Variants in SLC30A3 observed in about 807,000 individuals in gnomAD.
The protein encoded by SLC30A3 is probable proton-coupled zinc antiporter SLC30A3.
Under a neutral mutation model 35.6 loss-of-function variants are expected in SLC30A3, and 20 were observed. The observed-to-expected ratio is 0.56, with a 90% CI of 0.39 to 0.82. The LOEUF (loss-of-function observed/expected upper bound fraction) is 0.82. Among genes scored for constraint, SLC30A3 ranks in the 40% least tolerant of loss-of-function variants. The pLI is 0.00. For missense variants in SLC30A3, 401 were observed against 530.6 expected, an observed-to-expected ratio of 0.76 and a Z score of 2.40; for synonymous variants, 217 against 224.7, an observed-to-expected ratio of 0.97 and a Z score of 0.31.
At chr2:27,273,881 G>A (rs1677851990) in intron 1 of SLC30A3, among the ~76,000 whole-genome samples, 4 of 152,116 alleles carry the variant, frequency 2.6e-5, no homozygotes, top group Admixed American at 2.6e-4. Flanking sequence ...CATGAGTCAT[G>A]AAAGCTTGGG....
chr2:27,274,314 G>T (rs1677885416), intron 1 of SLC30A3, among the ~76,000 whole-genome samples: 1 of 152,104 alleles, frequency 6.6e-6, no homozygotes, highest in South Asian at 2.1e-4. Context: ...GACAGAGTGA[G>T]ACTCCACCTC....
At position 27,262,373 on chromosome 2, in the gene SLC30A3, G is replaced by A. The variant is rs561662321; in HGVS notation, c.95+439C>T. Among the ~76,000 whole-genome samples, 1 of 152,000 alleles carries A rather than the reference G, an allele frequency of 6.6e-6. No individual in the cohort carries two copies. The highest frequency in any genetic ancestry group is 2.1e-4 in the South Asian group (1 of 4,832). Reference sequence around the variant, plus strand: ...CGCCCACAGCTGGCCGCGGCTGGAGGGGGCGCGCGGAGGGGAGCCCCCGGG... The same window carrying A: ...CGCCCACAGCTGGCCGCGGCTGGAGAGGGCGCGCGGAGGGGAGCCCCCGGG... On this transcript the variant is annotated intron_variant, in intron 1 of 7. Coordinates refer to ENST00000233535, the MANE Select transcript of SLC30A3 (RefSeq NM_003459.5). The surrounding 1 kb of genome is among the most constrained non-coding windows in gnomAD (Gnocchi z 7.5).
In SLC30A3 at chr2:27,258,859, C is replaced by G. The variant is rs747738929; in HGVS notation, c.171G>C (p.Arg57Ser). 3.7e-5 allele frequency: 59 copies of G among 1,613,974 alleles called. No individual in the cohort carries two copies. Among genetic ancestry groups the G allele is most frequent in the Non-Finnish European group, 5.0e-5 (59 of 1,179,982 alleles). ...PVEMPFHHCH[R>S]DPLPPPGLTP... is the part of the protein sequence containing the mutation. ...TAAGGCCCGGCGGCGGAAGGGGGTC[C>G]CTGTGGCAGTGGTGGAAGGGCATCT... is the stretch of plus-strand genomic sequence containing the variant. Residue 57 changes from arginine (R) to serine (S), a missense_variant, in exon 2 of 8, where the codon AGG becomes AGC. Around this residue, in one of 3 missense-constraint regions of SLC30A3, gnomAD observed 103 missense variants for 120.7 expected, o/e 0.85. Coordinates refer to ENST00000233535, the MANE Select transcript of SLC30A3 (RefSeq NM_003459.5). This position sits in a 1 kb window ranked among gnomAD's most constrained non-coding sequence, Gnocchi z 4.0.
intron 6 of SLC30A3, 125 bp from the exon 7 acceptor site, chr2:27,256,645 T>A: frequency 1.4e-6 from 2 of 1,388,736 alleles, no homozygotes; most frequent in Non-Finnish European, 2.0e-6. Context: ...CAATTCACCC[T>A]ATGCCCAAAT....
rs1326227858 is a variant in SLC30A3, at chr2:27,255,093, C to T, written c.*219G>A. The T allele has an allele frequency of 6.6e-7, 1 of 1,511,924 alleles. No homozygotes were observed. The highest frequency in any genetic ancestry group is 1.4e-5 in the African/African-American group (1 of 72,708). 93.7% of individuals were successfully genotyped at this position (1,511,924 alleles called of 1,614,324 possible). On this transcript the variant is annotated 3_prime_UTR_variant, in exon 8 of 8. Transcript: ENST00000233535. The surrounding 1 kb of genome is among the most constrained non-coding windows in gnomAD (Gnocchi z 5.2). ...GGAGTCCCCGCCCCTGAACTAGTCA[C>T]ATCTATTCCCCTGACTCCCACCCCA...
At chr2:27,266,509 A>T (rs1677500631), upstream of SLC30A3, among the ~76,000 whole-genome samples, 1 of 152,202 alleles carries the variant, frequency 6.6e-6, no homozygotes, top group Non-Finnish European at 1.5e-5. Flanking sequence ...ATAACAGCAG[A>T]AAGTAATGAT....
At position 27,258,178 on chromosome 2, in the gene SLC30A3, A is replaced by T; in HGVS notation, c.407T>A (p.Phe136Tyr). The change falls in exon 3 of 8, where the codon TTT (phenylalanine) becomes TAT (tyrosine). Residue 136 changes from phenylalanine (F) to tyrosine (Y), a missense_variant. This residue lies in a region of SLC30A3 where 296 missense variants were observed against 392.6 expected (regional missense o/e 0.75). Transcript: ENST00000233535. This position sits in a 1 kb window ranked among gnomAD's most constrained non-coding sequence, Gnocchi z 4.0. ...STRPATRTMT[F>Y]GWHRSETLGA... ...GGCCTTACCTGAACGGTGCCAGCCA[A>T]AGGTCATGGTGCGGGTGGCTGGACG... The T allele has an allele frequency of 6.3e-7, 1 of 1,596,114 alleles. No individual in the cohort carries two copies. Among genetic ancestry groups the T allele is most frequent in the Non-Finnish European group, 8.6e-7 (1 of 1,169,004 alleles).
intron 1 of SLC30A3, among the ~76,000 whole-genome samples, chr2:27,274,927 T>C (rs1329213234): frequency 6.6e-6 from 1 of 152,154 alleles, no homozygotes; most frequent in Non-Finnish European, 1.5e-5. Context: ...AAAGGCTCAA[T>C]ACATCATTTT....
chr2:27,260,544 A>G lies in SLC30A3; in HGVS notation c.96-1610T>C, dbSNP rs552280900. Among the ~76,000 whole-genome samples, 8 of 152,320 alleles carry G rather than the reference A, an allele frequency of 5.3e-5. No individual in the cohort carries two copies. In the East Asian group the frequency reaches 1.5e-3, roughly 29 times the overall value. ...ACCCAGCAAGGACAGAATTTTCCAC[A>G]GAATTCAGGACCTGAATAGAAAATA... On this transcript the variant is annotated intron_variant, in intron 1 of 7. Coordinates refer to ENST00000233535, the MANE Select transcript of SLC30A3 (RefSeq NM_003459.5).
chr2:27,273,051 A>AATAT (rs1553376592), intron 1 of SLC30A3, among the ~76,000 whole-genome samples: 18 of 145,350 alleles, frequency 1.2e-4, no homozygotes, highest in African/African-American at 3.4e-4. Context: ...AAAAAAAAAA[A>AATAT]ATATATATAT....
At position 27,255,516 on chromosome 2, in the gene SLC30A3, G is replaced by A. The variant is rs1676799371; in HGVS notation, c.1019-56C>T. ...TCCCGGGGGAGAAAGAACAGGCAGGGACTGAGATAAGGACAGGGAAAGGGG... is the reference window on the plus strand; with the variant it reads ...TCCCGGGGGAGAAAGAACAGGCAGGAACTGAGATAAGGACAGGGAAAGGGG... On this transcript the variant is annotated intron_variant, in intron 7 of 7. Coordinates refer to ENST00000233535, the MANE Select transcript of SLC30A3 (RefSeq NM_003459.5). This position sits in a 1 kb window ranked among gnomAD's most constrained non-coding sequence, Gnocchi z 5.2. 2 of 1,587,382 alleles carry A rather than the reference G, an allele frequency of 1.3e-6. No individual in the cohort carries two copies. Among genetic ancestry groups the A allele is most frequent in the South Asian group, 2.3e-5 (2 of 87,528 alleles).
upstream of SLC30A3, chr2:27,275,723 C>T (rs1350220121): frequency 3.1e-5 from 5 of 161,342 alleles, no homozygotes; most frequent in African/African-American, 7.2e-5. Flanking sequence ...CCCACAGCAA[C>T]GCCTTTTCTC....
At chr2:27,263,048 G>T, upstream of SLC30A3, 1 of 1,367,794 alleles carries the variant, frequency 7.3e-7, no homozygotes, top group Non-Finnish European at 9.4e-7. Context: ...TGCAGCGACT[G>T]TGGCGCGCGG....
Position 27,258,066 on chromosome 2 carries a change from TGG to T in SLC30A3, c.425-10_425-9del. Reference sequence around the variant, plus strand: ...CCAAAGCCCCCAGAGTCTCTGCGGGTGGGGGGGGAGACAAGCTGTCAGAGACC... The same window carrying T: ...CCAAAGCCCCCAGAGTCTCTGCGGGTGGGGGGAGACAAGCTGTCAGAGACC... On this transcript the variant is annotated splice_polypyrimidine_tract_variant and intron_variant, in intron 3 of 7. Transcript: ENST00000233535. This position sits in a 1 kb window ranked among gnomAD's most constrained non-coding sequence, Gnocchi z 4.0. 1 of 1,610,638 alleles carries T rather than the reference TGG, an allele frequency of 6.2e-7. No homozygotes were observed. Among genetic ancestry groups the T allele is most frequent in the Non-Finnish European group, 8.5e-7 (1 of 1,178,108 alleles).
Position 27,258,783 on chromosome 2 carries a change from A to C in SLC30A3, c.247T>G (p.Cys83Gly). 6.2e-7 allele frequency: 1 copy of C among 1,614,236 alleles called. No individual in the cohort carries two copies. The highest frequency in any genetic ancestry group is 8.5e-7 in the Non-Finnish European group (1 of 1,180,046). ...ACCTCCCCAGCCATGAAGACAAAGC[A>C]AACGGCACAGGCAGCATATAGCTGC... ...RRQLYAACAV[C>G]FVFMAGEVVG... Residue 83 changes from cysteine (C) to glycine (G), a missense_variant, in exon 2 of 8, where the codon TGC (cysteine) becomes GGC (glycine). Physicochemically the swap from Cys to Gly is radical, Grantham distance 159. Coordinates refer to ENST00000233535, the MANE Select transcript of SLC30A3 (RefSeq NM_003459.5). This position sits in a 1 kb window ranked among gnomAD's most constrained non-coding sequence, Gnocchi z 4.0.
chr2:27,258,718 G>T lies in SLC30A3; in HGVS notation c.277+35C>A. Reference sequence around the variant, plus strand: ...TGGAGAGTGGCTTGGGCAGGTATTTGGAGAATGGGGTTTAAGGGCTGCTCC... The same window carrying T: ...TGGAGAGTGGCTTGGGCAGGTATTTTGAGAATGGGGTTTAAGGGCTGCTCC... On this transcript the variant is annotated intron_variant, in intron 2 of 7. Transcript: ENST00000233535. The surrounding 1 kb of genome is among the most constrained non-coding windows in gnomAD (Gnocchi z 4.0). The T allele has an allele frequency of 6.2e-7, 1 of 1,609,908 alleles. No homozygotes were observed. Among genetic ancestry groups the T allele is most frequent in the Middle Eastern group, 1.7e-4 (1 of 6,056 alleles).
chr2:27,265,547 G>C (rs1677462439), upstream of SLC30A3, among the ~76,000 whole-genome samples: 1 of 152,188 alleles, frequency 6.6e-6, no homozygotes, highest in African/African-American at 2.4e-5. This position sits in a 1 kb window ranked among gnomAD's most constrained non-coding sequence, Gnocchi z 5.9. Context: ...GTGGACAAGA[G>C]TTAACACCTG....
At chr2:27,275,608 A>T (rs1164425927), upstream of SLC30A3, 2 of 230,462 alleles carry the variant, frequency 8.7e-6, no homozygotes, top group African/African-American at 4.6e-5. Context: ...TGCCCTGCAC[A>T]CTCAGAGCTC....
At chr2:27,265,269 G>T (rs1444795786), upstream of SLC30A3, among the ~76,000 whole-genome samples, 1 of 152,240 alleles carries the variant, frequency 6.6e-6, no homozygotes. The surrounding 1 kb of genome is among the most constrained non-coding windows in gnomAD (Gnocchi z 5.9). Flanking sequence ...AGGCAGAGGC[G>T]CCTCGCAGCG....
Sources: gnomAD v4.1 joint callset for allele counts (sites outside exome capture counted in the v4.1 genomes callset) on GRCh38, gnomAD v4.1.1 for gene constraint, gnomAD v4.1.1 regional missense constraint, Gnocchi (gnomAD v3.1) non-coding constraint, MANE v1.5 for transcripts, NCBI Gene and HGNC (gene_info 2026-07-23, HGNC 2026-07-21) for gene names.